Variants in PLXNC1 observed in about 807,000 individuals in gnomAD.
PLXNC1 encodes plexin-C1.
In PLXNC1, 75 loss-of-function variants were observed where a neutral mutation model predicts 178.2. The observed-to-expected ratio is 0.42, with a 90% confidence interval of 0.35 to 0.51. The LOEUF is 0.51. Among genes scored for constraint, PLXNC1 ranks in the 20% least tolerant of loss-of-function variants. PLXNC1 has a pLI of 0.02. For synonymous variants in PLXNC1, 790 were observed against 779.9 expected (o/e 1.01, Z -0.22); for missense variants, 1,503 against 1,984.4 (o/e 0.76, Z 4.61).
Position 94,149,263 on chromosome 12 carries a change from C to A in PLXNC1, c.292C>A (p.Arg98=). ...TEPVSLAPPA[R]PRPGSSFSKL... ...GCCGGTCTCGCTGGCGCCCCCCGCG[C>A]GGCCCCGGCCCGGGAGCAGCTTCAG... Residue 98 remains arginine (R), a synonymous_variant, in exon 1 of 31, where the codon CGG becomes AGG. Coordinates refer to ENST00000258526, the MANE Select transcript of PLXNC1 (RefSeq NM_005761.3). 1 of 1,533,054 alleles carries A rather than the reference C, an allele frequency of 6.5e-7. No individual in the cohort carries two copies. The highest frequency in any genetic ancestry group is 1.4e-5 in the African/African-American group (1 of 70,072). 95.0% of individuals were successfully genotyped at this position (1,533,054 alleles called of 1,614,324 possible).
chr12:94,260,773 G>A lies in PLXNC1; in HGVS notation c.3383G>A (p.Arg1128His). The change falls in exon 20 of 31, where the codon CGC becomes CAC. Residue 1128 changes from arginine (R) to histidine (H), a missense_variant. By Grantham distance (29) the Arg-to-His change is conservative. This residue lies in a region of PLXNC1 where 639 missense variants were observed against 979.7 expected (regional missense o/e 0.65). Coordinates refer to ENST00000258526, the MANE Select transcript of PLXNC1 (RefSeq NM_005761.3). This position sits in a 1 kb window ranked among gnomAD's most constrained non-coding sequence, Gnocchi z 4.4. ...ATGCAGCCGAAACTCATGCTGAGACGCACGGAGTCCGTCGTCGAAAAACTC... is the reference window on the plus strand; with the variant it reads ...ATGCAGCCGAAACTCATGCTGAGACACACGGAGTCCGTCGTCGAAAAACTC... ...SNMQPKLMLRRTESVVEKLLT... is the reference protein window; with the variant it reads ...SNMQPKLMLRHTESVVEKLLT... 2.5e-6 allele frequency: 4 copies of A among 1,614,168 alleles called. No individual in the cohort carries two copies. Among genetic ancestry groups the A allele is most frequent in the Non-Finnish European group, 3.4e-6 (4 of 1,180,020 alleles).
chr12:94,261,055 G>T (rs144119998), intron 20 of PLXNC1, among the ~76,000 whole-genome samples: 1 of 152,260 alleles, frequency 6.6e-6, no homozygotes, highest in East Asian at 1.9e-4. Flanking sequence ...TTAGAATTTC[G>T]TCAGGTGAGA....
At chr12:94,242,104 G>T (rs747685578) in intron 11 of PLXNC1, among the ~76,000 whole-genome samples, 1 of 152,078 alleles carries the variant, frequency 6.6e-6, no homozygotes, top group Non-Finnish European at 1.5e-5. Context: ...ATATTAGTTT[G>T]CTAGGGTGGA....
In PLXNC1 at chr12:94,156,704, C is replaced by CTT. The variant is rs1209546709; in HGVS notation, c.1062+6673_1062+6674dup. Among the ~76,000 whole-genome samples, 21 of 129,938 alleles carry CTT rather than the reference C, an allele frequency of 1.6e-4. 3 individuals carry two copies. The highest frequency in any genetic ancestry group is 1.7e-4 in the African/African-American group (6 of 34,720). 85.2% of individuals were successfully genotyped at this position (129,938 alleles called of 152,430 possible). The stretch of plus-strand genomic sequence containing the variant: ...CTGGAGGAGAGACACTGGAAACTTT[C>CTT]TTTCTTTTTTTTTTTTTTTTTTAAA... On this transcript the variant is annotated intron_variant, in intron 1 of 30. Coordinates refer to ENST00000258526, the MANE Select transcript of PLXNC1 (RefSeq NM_005761.3).
intron 2 of PLXNC1, among the ~76,000 whole-genome samples, chr12:94,180,144 G>A (rs1044181436): frequency 6.6e-6 from 1 of 152,062 alleles, no homozygotes; most frequent in Non-Finnish European, 1.5e-5. Context: ...CTCATCTACA[G>A]TAAAAGGCAG....
intron 4 of PLXNC1, among the ~76,000 whole-genome samples, chr12:94,198,892 A>G (rs984776030): frequency 4.6e-5 from 7 of 152,080 alleles, no homozygotes; most frequent in African/African-American, 1.7e-4. Flanking sequence ...ATCTACAAAG[A>G]CCCTATTTCT....
At chr12:94,150,583 C>A (rs1960922227) in intron 1 of PLXNC1, among the ~76,000 whole-genome samples, 1 of 152,242 alleles carries the variant, frequency 6.6e-6, no homozygotes, top group African/African-American at 2.4e-5. Flanking sequence ...TGAAGAGTTG[C>A]TAGCCCGCTC....
intron 17 of PLXNC1, among the ~76,000 whole-genome samples, chr12:94,257,480 A>G (rs1221517739): frequency 6.6e-6 from 1 of 152,226 alleles, no homozygotes; most frequent in Non-Finnish European, 1.5e-5. Flanking sequence ...CTTAAAACTC[A>G]GAGAGCCACG....
At chr12:94,251,850 G>A (rs1187220153) in intron 15 of PLXNC1, among the ~76,000 whole-genome samples, 1 of 152,070 alleles carries the variant, frequency 6.6e-6, no homozygotes, top group East Asian at 1.9e-4. Context: ...AAATTAGCCG[G>A]GCGTGATGGC....
rs1964964008 is a variant in PLXNC1, at chr12:94,260,492, G to A, written c.3252-150G>A. 3.5e-6 allele frequency: 2 copies of A among 565,338 alleles called. No individual in the cohort carries two copies. Among genetic ancestry groups the A allele is most frequent in the South Asian group, 4.8e-5 (2 of 41,864 alleles). The allele number at this position is 565,338 out of a possible 1,614,324, so 35.0% of individuals were successfully genotyped here. A position where few individuals can be genotyped will look rare whatever the true frequency, so the allele number is the denominator to read the frequency against. On this transcript the variant is annotated intron_variant, in intron 19 of 30. Transcript: ENST00000258526. The surrounding 1 kb of genome is among the most constrained non-coding windows in gnomAD (Gnocchi z 4.4). ...CAGAAAATGTTCTAGAGATAGAAGTGGTTAGAATCTAAACATTAAAAAAAA... is the reference window on the plus strand; with the variant it reads ...CAGAAAATGTTCTAGAGATAGAAGTAGTTAGAATCTAAACATTAAAAAAAA...
intron 15 of PLXNC1, among the ~76,000 whole-genome samples, chr12:94,252,386 G>A (rs193116354): frequency 2.1e-4 from 32 of 152,194 alleles, no homozygotes; most frequent in Admixed American, 5.2e-4. Flanking sequence ...AGTTATGATC[G>A]TGCCACTGCA....
Position 94,265,070 on chromosome 12 carries a change from T to A in PLXNC1, c.3451-9T>A. The A allele has an allele frequency of 6.2e-7, 1 of 1,612,990 alleles. No homozygotes were observed. Among genetic ancestry groups the A allele is most frequent in the African/African-American group, 1.3e-5 (1 of 74,988 alleles). On this transcript the variant is annotated splice_polypyrimidine_tract_variant and intron_variant, in intron 20 of 30. Transcript: ENST00000258526. Reference sequence around the variant, plus strand: ...GAAAGCTAACTGTCACTTTTGTGTCTTTTCCAAGGAGACTGTCGGAGAGCC... The same window carrying A: ...GAAAGCTAACTGTCACTTTTGTGTCATTTCCAAGGAGACTGTCGGAGAGCC...
Position 94,260,917 on chromosome 12 carries a change from C to T in PLXNC1, c.3450+77C>T. On this transcript the variant is annotated intron_variant, in intron 20 of 30. Coordinates refer to ENST00000258526, the MANE Select transcript of PLXNC1 (RefSeq NM_005761.3). This position sits in a 1 kb window ranked among gnomAD's most constrained non-coding sequence, Gnocchi z 4.4. ...TTTTAGCGGACTCTGATGCCTTTGCCAGGATAAATCCTGAATGCTCGATGG... is the reference window on the plus strand; with the variant it reads ...TTTTAGCGGACTCTGATGCCTTTGCTAGGATAAATCCTGAATGCTCGATGG... The T allele has an allele frequency of 2.4e-6, 3 of 1,239,778 alleles. No homozygotes were observed. Among genetic ancestry groups the T allele is most frequent in the Non-Finnish European group, 3.5e-6 (3 of 857,270 alleles). The allele number at this position is 1,239,778 out of a possible 1,614,324, so 76.8% of individuals were successfully genotyped here. A position where few individuals can be genotyped will look rare whatever the true frequency, so the allele number is the denominator to read the frequency against.
intron 1 of PLXNC1, among the ~76,000 whole-genome samples, chr12:94,166,758 A>G (rs1346427158): frequency 2.0e-5 from 3 of 150,410 alleles, no homozygotes; most frequent in African/African-American, 7.3e-5. Flanking sequence ...TGGCTGCACC[A>G]CTTACCCATG....
rs1223134221 is a variant in PLXNC1, at chr12:94,181,355, T to C, written c.1204-91T>C. ...GTGAGCCAAGATCATGCCAATGCATTCCAGCCTGGCGACAGAGCGAGATTC... is the reference window on the plus strand; with the variant it reads ...GTGAGCCAAGATCATGCCAATGCATCCCAGCCTGGCGACAGAGCGAGATTC... On this transcript the variant is annotated intron_variant, in intron 2 of 30. Transcript: ENST00000258526. The C allele has an allele frequency of 9.2e-6, 8 of 871,216 alleles. No individual in the cohort carries two copies. In the East Asian group the frequency reaches 2.0e-4, roughly 22 times the overall value. The allele number at this position is 871,216 out of a possible 1,614,324, so 54.0% of individuals were successfully genotyped here. A position where few individuals can be genotyped will look rare whatever the true frequency, so the allele number is the denominator to read the frequency against.
chr12:94,289,636 C>G (rs1214706949), intron 23 of PLXNC1, among the ~76,000 whole-genome samples: 1 of 152,218 alleles, frequency 6.6e-6, no homozygotes, highest in Non-Finnish European at 1.5e-5. Context: ...CTTTTTAACA[C>G]TCTGCATTCC....
At chr12:94,281,556 A>C (rs995751283) in intron 22 of PLXNC1, among the ~76,000 whole-genome samples, 7 of 151,784 alleles carry the variant, frequency 4.6e-5, no homozygotes, top group African/African-American at 1.7e-4. Context: ...AAGAAATCAG[A>C]TATCCAGTTT....
intron 24 of PLXNC1, 75 bp downstream of exon 24, chr12:94,294,615 G>A (rs1216924551): frequency 1.5e-6 from 1 of 675,970 alleles, no homozygotes; most frequent in Admixed American, 2.5e-5. Context: ...TCTCTCAGCT[G>A]TATTGTCACA....
At position 94,307,093 on chromosome 12, in the gene PLXNC1, TTATC is replaced by T. The variant is rs1481659237; in HGVS notation, c.*1811_*1814del. ...AAAACTCAAAGGATCAGCTACAGCTTTATCTAAGTATTTACTAAATGCTACATGA... is the reference window on the plus strand; with the variant it reads ...AAAACTCAAAGGATCAGCTACAGCTTTAAGTATTTACTAAATGCTACATGA... On this transcript the variant is annotated 3_prime_UTR_variant, in exon 31 of 31. Coordinates refer to ENST00000258526, the MANE Select transcript of PLXNC1 (RefSeq NM_005761.3). The T allele has an allele frequency of 6.6e-6, 1 of 152,144 alleles. No homozygotes were observed. 9.4% of individuals were successfully genotyped at this position (152,144 alleles called of 1,614,324 possible). A position where few individuals can be genotyped will look rare whatever the true frequency, so the allele number is the denominator to read the frequency against.
Sources: allele counts gnomAD v4.1 joint callset (sites outside exome capture counted in the v4.1 genomes callset), GRCh38; gene constraint gnomAD v4.1.1; regional missense constraint gnomAD v4.1.1; non-coding constraint Gnocchi (gnomAD v3.1); transcripts MANE v1.5; gene names NCBI Gene and HGNC (gene_info 2026-07-23, HGNC 2026-07-21).